Variants in PLXDC2 observed in about 807,000 individuals in gnomAD.
PLXDC2 encodes the protein plexin domain containing 2.
Under a neutral mutation model 68.9 loss-of-function variants are expected in PLXDC2, and 40 were observed. The observed-to-expected ratio is 0.58, with a 90% CI of 0.45 to 0.76. The LOEUF (loss-of-function observed/expected upper bound fraction) is 0.76. Among genes scored for constraint, PLXDC2 ranks in the 30% least tolerant of loss-of-function variants. The pLI, the probability that PLXDC2 is intolerant of heterozygous loss-of-function variation, is 0.00. For synonymous variants in PLXDC2, 243 were observed against 234.2 expected (o/e 1.04, Z -0.34); for missense variants, 644 against 661.9 (o/e 0.97, Z 0.30).
chr10:20,027,966 A>G (rs546617982), intron 2 of PLXDC2, among the ~76,000 whole-genome samples: 3 of 152,358 alleles, frequency 2.0e-5, no homozygotes, highest in East Asian at 1.9e-4. Flanking sequence ...TTTCTGGAAC[A>G]TAAACCTTGC....
chr10:19,839,708 G>A (rs963102962), intron 1 of PLXDC2, among the ~76,000 whole-genome samples: 1 of 151,810 alleles, frequency 6.6e-6, no homozygotes, highest in Non-Finnish European at 1.5e-5. Context: ...TTCACCAATG[G>A]TAACTGTTAC....
intron 12 of PLXDC2, among the ~76,000 whole-genome samples, chr10:20,230,693 C>CAAAAAAAAAAAAAAAAAAAAAAAAA (rs1191613913): frequency 2.6e-5 from 1 of 37,806 alleles, no homozygotes; most frequent in African/African-American, 9.0e-5. Flanking sequence ...GACCTTGTCT[C>CAAAAAAAAAAAAAAAAAAAAAAAAA]AAAAAAAAAA....
chr10:19,849,994 C>A (rs1402800487), intron 1 of PLXDC2, among the ~76,000 whole-genome samples: 1 of 152,094 alleles, frequency 6.6e-6, no homozygotes, highest in African/African-American at 2.4e-5. Context: ...AAATGTAGTT[C>A]TCTATGTTAC....
chr10:19,816,904 G>A lies in PLXDC2; in HGVS notation c.-176G>A, dbSNP rs1285498308. 2 of 601,902 alleles carry A rather than the reference G, an allele frequency of 3.3e-6. No homozygotes were observed. Among genetic ancestry groups the A allele is most frequent in the Non-Finnish European group, 5.9e-6 (2 of 339,374 alleles). The allele number at this position is 601,902 out of a possible 1,614,324, so 37.3% of individuals were successfully genotyped here. The stretch of plus-strand genomic sequence containing the variant: ...CGAAGAGCGCTGCGCTCCTACTCGC[G>A]TTCGCTTCTTCCTCTTCTCGGTTCC... On this transcript the variant is annotated 5_prime_UTR_variant, in exon 1 of 14. Transcript: ENST00000377252.
intron 12 of PLXDC2, among the ~76,000 whole-genome samples, chr10:20,233,415 T>C (rs12784039): frequency 2.0e-5 from 3 of 152,024 alleles, no homozygotes; most frequent in Non-Finnish European, 4.4e-5. Flanking sequence ...CCCATGTAGT[T>C]GATAATAATG....
At chr10:19,987,558 TTTTG>T (rs202093057) in intron 1 of PLXDC2, among the ~76,000 whole-genome samples, 7,051 of 86,806 alleles carry the variant, frequency 0.081, 165 homozygotes, top group African/African-American at 0.092. Context: ...TTTGGTTTTG[TTTTG>T]TTTTTTTTTC....
rs188934700 is a variant in PLXDC2, at chr10:20,189,624, C to A, written c.1061+12215C>A. On this transcript the variant is annotated intron_variant, in intron 9 of 13. Coordinates refer to ENST00000377252, the MANE Select transcript of PLXDC2 (RefSeq NM_032812.9). Reference sequence around the variant, plus strand: ...TTTGGGCACTCAGAAAAATTCAAAACTTTTCAGAAGCAGAAAATTATCAGT... The same window carrying A: ...TTTGGGCACTCAGAAAAATTCAAAAATTTTCAGAAGCAGAAAATTATCAGT... Among the ~76,000 whole-genome samples the A allele has an allele frequency of 2.0e-3, 298 of 149,152 alleles. 1 individual carries two copies. The highest frequency in any genetic ancestry group is 3.8e-3 in the Non-Finnish European group (254 of 67,138).
intron 5 of PLXDC2, among the ~76,000 whole-genome samples, chr10:20,147,445 C>T (rs997026949): frequency 1.3e-5 from 2 of 152,174 alleles, no homozygotes; most frequent in African/African-American, 4.8e-5. Flanking sequence ...ATTCAATCCA[C>T]TTGGGCTGCA....
chr10:20,195,098 G>T (rs1441032702), intron 9 of PLXDC2, among the ~76,000 whole-genome samples: 5 of 151,942 alleles, frequency 3.3e-5, no homozygotes, highest in African/African-American at 1.2e-4. Context: ...TTCTCAAATT[G>T]TTATTTTCCT....
intron 7 of PLXDC2, among the ~76,000 whole-genome samples, chr10:20,176,546 C>T (rs1368519453): frequency 6.6e-6 from 1 of 152,030 alleles, no homozygotes; most frequent in Admixed American, 6.6e-5. Context: ...GAAGTTTATT[C>T]TAAACTTTTA....
chr10:19,981,703 C>T (rs564546078), intron 1 of PLXDC2, among the ~76,000 whole-genome samples: 37 of 152,300 alleles, frequency 2.4e-4, no homozygotes, highest in Middle Eastern at 3.4e-3. Context: ...ATTCAGCATG[C>T]GCCTTTTTGT....
intron 12 of PLXDC2, among the ~76,000 whole-genome samples, chr10:20,237,009 T>C (rs958965406): frequency 6.6e-6 from 1 of 152,080 alleles, no homozygotes; most frequent in Non-Finnish European, 1.5e-5. Flanking sequence ...TGTTTTTTTT[T>C]TTTAAAGGAT....
At chr10:20,174,042 C>G (rs1364073248) in intron 7 of PLXDC2, among the ~76,000 whole-genome samples, 1 of 152,148 alleles carries the variant, frequency 6.6e-6, no homozygotes, top group African/African-American at 2.4e-5. Flanking sequence ...CTCTCAGAAG[C>G]TTCTCAATCA....
chr10:19,971,409 A>G (rs1834349604), intron 1 of PLXDC2, among the ~76,000 whole-genome samples: 1 of 152,174 alleles, frequency 6.6e-6, no homozygotes, highest in Non-Finnish European at 1.5e-5. Context: ...AAAAATTACT[A>G]CAGGCTAGTT....
At chr10:20,227,240 C>T (rs149335786) in intron 12 of PLXDC2, among the ~76,000 whole-genome samples, 2 of 152,108 alleles carry the variant, frequency 1.3e-5, no homozygotes, top group East Asian at 3.9e-4. Context: ...CCTAAAGAAG[C>T]AAGTGGCCTA....
At chr10:20,254,342 T>A (rs2119352926) in intron 13 of PLXDC2, among the ~76,000 whole-genome samples, 1 of 152,284 alleles carries the variant, frequency 6.6e-6, no homozygotes, top group East Asian at 1.9e-4. Flanking sequence ...TGCTAAGAGT[T>A]TGGCATCTTG....
chr10:20,187,742 C>G (rs1042632214), intron 9 of PLXDC2, among the ~76,000 whole-genome samples: 1 of 151,750 alleles, frequency 6.6e-6, no homozygotes, highest in Admixed American at 6.6e-5. Context: ...TTTCACTTTT[C>G]TGGGGGATAG....
chr10:19,966,786 G>C (rs911194745), intron 1 of PLXDC2, among the ~76,000 whole-genome samples: 2 of 147,474 alleles, frequency 1.4e-5, no homozygotes, highest in African/African-American at 5.0e-5. Context: ...GGCCTCCTGG[G>C]AAGAGAACGG....
At chr10:20,054,765 G>A (rs924913934) in intron 3 of PLXDC2, among the ~76,000 whole-genome samples, 9 of 151,808 alleles carry the variant, frequency 5.9e-5, no homozygotes, top group African/African-American at 9.7e-5. Context: ...ATGACGAGTT[G>A]ATGGGTGCAG....
Sources: gnomAD v4.1 joint callset for allele counts (sites outside exome capture counted in the v4.1 genomes callset) on GRCh38, gnomAD v4.1.1 for gene constraint, MANE v1.5 for transcripts, NCBI Gene and HGNC (gene_info 2026-07-23, HGNC 2026-07-21) for gene names.